Variants in FAM98B observed in about 807,000 individuals in gnomAD.
FAM98B encodes tRNA-splicing ligase complex subunit FAM98B.
A neutral mutation model predicts 43.9 loss-of-function variants in FAM98B; 32 were observed. The observed-to-expected ratio is 0.73, with a 90% CI of 0.55 to 0.98. FAM98B has a LOEUF of 0.98. Among genes scored for constraint, FAM98B ranks in the 50% least tolerant of loss-of-function variants. The pLI is 0.00. For missense variants in FAM98B, 514 were observed against 522.9 expected, an observed-to-expected ratio of 0.98 and a Z score of 0.17; for synonymous variants, 190 against 174.0, an observed-to-expected ratio of 1.09 and a Z score of -0.72.
chr15:38,468,781 T>TGGGA (rs1211658102), intron 3 of FAM98B, among the ~76,000 whole-genome samples: 1 of 152,138 alleles, frequency 6.6e-6, no homozygotes, highest in Non-Finnish European at 1.5e-5. Flanking sequence ...TCTCAGAGGA[T>TGGGA]GGGACCCTGG....
chr15:38,472,606 T>C (rs1420721539), intron 4 of FAM98B, among the ~76,000 whole-genome samples: 1 of 152,036 alleles, frequency 6.6e-6, no homozygotes, highest in African/African-American at 2.4e-5. Flanking sequence ...ACCAAACTCT[T>C]GAATTTAGAG....
Position 38,484,913 on chromosome 15 carries a change from AC to A in FAM98B, c.*255del, listed in dbSNP as rs1361198987. The A allele has an allele frequency of 2.4e-6, 1 of 409,902 alleles. No homozygotes were observed. The highest frequency in any genetic ancestry group is 4.0e-6 in the Non-Finnish European group (1 of 248,702). The allele number at this position is 409,902 out of a possible 1,614,324, so 25.4% of individuals were successfully genotyped here. On this transcript the variant is annotated 3_prime_UTR_variant, in exon 8 of 8. Transcript: ENST00000397609. ...GTCTTTTTAAAAAACAAAAAAAAGA[AC>A]AAAAATTATTTTTTAAAATGTAAAT...
At chr15:38,469,383 G>A (rs949684245) in intron 3 of FAM98B, among the ~76,000 whole-genome samples, 1 of 152,160 alleles carries the variant, frequency 6.6e-6, no homozygotes, top group Non-Finnish European at 1.5e-5. Flanking sequence ...TGCTCTATGT[G>A]CTTATATATC....
In FAM98B at chr15:38,464,079, A is replaced by G. The variant is rs769628372; in HGVS notation, c.119A>G (p.Glu40Gly). The change falls in exon 2 of 8, where the codon GAG becomes GGG. Residue 40 changes from glutamate (E) to glycine (G), a missense_variant. By Grantham distance (98) the Glu-to-Gly change is moderately conservative. Coordinates refer to ENST00000397609, the MANE Select transcript of FAM98B (RefSeq NM_173611.4). ...GAGCAAGCCCTTACAAAGGCGGCAGAGGGTGGATTATCTTCACCTGAATTT... is the reference window on the plus strand; with the variant it reads ...GAGCAAGCCCTTACAAAGGCGGCAGGGGGTGGATTATCTTCACCTGAATTT... ...LEEQALTKAA[E>G]GGLSSPEFSE... The G allele has an allele frequency of 1.2e-6, 2 of 1,613,414 alleles. No homozygotes were observed. Among genetic ancestry groups the G allele is most frequent in the Non-Finnish European group, 1.7e-6 (2 of 1,179,754 alleles).
intron 7 of FAM98B, chr15:38,483,443 G>T (rs530375556): frequency 1.3e-5 from 2 of 152,006 alleles, no homozygotes; most frequent in Admixed American, 6.6e-5. Flanking sequence ...GAGGCAGGCG[G>T]ATCACGAGGT....
chr15:38,484,842 G>A lies in FAM98B; in HGVS notation c.*183G>A. ...TTTATTACCAGTTGATCTCTCAAATGAAGTGATGACTTTTTCCATATTCTG... is the reference window on the plus strand; with the variant it reads ...TTTATTACCAGTTGATCTCTCAAATAAAGTGATGACTTTTTCCATATTCTG... On this transcript the variant is annotated 3_prime_UTR_variant, in exon 8 of 8. Transcript: ENST00000397609. 2 of 936,892 alleles carry A rather than the reference G, an allele frequency of 2.1e-6. No homozygotes were observed. Among genetic ancestry groups the A allele is most frequent in the Non-Finnish European group, 2.9e-6 (2 of 691,534 alleles). The allele number at this position is 936,892 out of a possible 1,614,324, so 58.0% of individuals were successfully genotyped here.
intron 6 of FAM98B, among the ~76,000 whole-genome samples, chr15:38,477,022 G>A (rs973892718): frequency 6.6e-6 from 1 of 151,854 alleles, no homozygotes. Context: ...TTGGGGGGCA[G>A]GTGCTGTGCT....
chr15:38,481,522 G>T, intron 7 of FAM98B, 63 bp downstream of exon 7: 1 of 1,613,958 alleles, frequency 6.2e-7, no homozygotes, highest in Non-Finnish European at 8.5e-7. Flanking sequence ...TGTTTTTACA[G>T]ATTTTAGTCT....
intron 3 of FAM98B, among the ~76,000 whole-genome samples, chr15:38,469,320 G>T (rs898467538): frequency 2.6e-5 from 4 of 152,204 alleles, no homozygotes; most frequent in African/African-American, 9.7e-5. Context: ...AGATGAAACG[G>T]TGAAAGTAAA....
At position 38,484,626 on chromosome 15, in the gene FAM98B, TGGTGGTGG is replaced by T; in HGVS notation, c.1270_1277del (p.Gly424ArgfsTer5). The stretch of plus-strand genomic sequence containing the variant: ...GAGGAGGTGGTGGTGGTGGTGGTGG[TGGTGGTGG>T]AGGAGGTGGATATAGAAGATACTAA... On this transcript the variant is annotated frameshift_variant, in exon 8 of 8. Transcript: ENST00000397609. LOFTEE classifies it high-confidence loss of function. 1 of 1,072,180 alleles carries T rather than the reference TGGTGGTGG, an allele frequency of 9.3e-7. No homozygotes were observed. The highest frequency in any genetic ancestry group is 1.3e-6 in the Non-Finnish European group (1 of 774,704). The allele number at this position is 1,072,180 out of a possible 1,614,324, so 66.4% of individuals were successfully genotyped here.
At position 38,454,224 on chromosome 15, in the gene FAM98B, G is replaced by C. The variant is rs1419448518; in HGVS notation, c.63G>C (p.Glu21Asp). ...AGGGAGACGTGCTGGACACACTGGA[G>C]GCGCTGGGGTGAGTGCTTTTGGAGA... The part of the protein sequence containing the change: ...TMEGDVLDTL[E>D]ALGYKGPLLE... Residue 21 changes from glutamate to aspartate, a missense_variant, in exon 1 of 8, where the codon GAG (glutamate) becomes GAC (aspartate). Around this residue, in one of 2 missense-constraint regions of FAM98B, gnomAD observed 469 missense variants for 451.8 expected, o/e 1.04. Coordinates refer to ENST00000397609, the MANE Select transcript of FAM98B (RefSeq NM_173611.4). 6.2e-7 allele frequency: 1 copy of C among 1,602,680 alleles called. No individual in the cohort carries two copies. Among genetic ancestry groups the C allele is most frequent in the Non-Finnish European group, 8.5e-7 (1 of 1,175,956 alleles).
chr15:38,462,123 T>A (rs193282279), intron 1 of FAM98B, among the ~76,000 whole-genome samples: 63 of 152,270 alleles, frequency 4.1e-4, no homozygotes, highest in African/African-American at 1.4e-3. Context: ...CTCTACTCTA[T>A]GTAAATGTAT....
Position 38,484,902 on chromosome 15 carries a change from C to CAA in FAM98B, c.*250_*251dup. On this transcript the variant is annotated 3_prime_UTR_variant, in exon 8 of 8. Transcript: ENST00000397609. Reference sequence around the variant, plus strand: ...GAGCATGTTGTGTCTTTTTAAAAAACAAAAAAAAGAACAAAAATTATTTTT... The same window carrying CAA: ...GAGCATGTTGTGTCTTTTTAAAAAACAAAAAAAAAAGAACAAAAATTATTTTT... The CAA allele has an allele frequency of 2.2e-6, 1 of 452,578 alleles. No individual in the cohort carries two copies. Among genetic ancestry groups the CAA allele is most frequent in the Non-Finnish European group, 3.5e-6 (1 of 284,772 alleles). 28.0% of individuals were successfully genotyped at this position (452,578 alleles called of 1,614,324 possible). A position where few individuals can be genotyped will look rare whatever the true frequency, so the allele number is the denominator to read the frequency against.
At chr15:38,484,142 A>C (rs1045378813) in intron 7 of FAM98B, 113 bp from the exon 8 acceptor site, 12 of 886,092 alleles carry the variant, frequency 1.4e-5, no homozygotes, top group Admixed American at 1.3e-4. Flanking sequence ...CATGTCTGGT[A>C]CTTTCATGTC....
At chr15:38,482,770 T>C (rs1459364290) in intron 7 of FAM98B, 1 of 152,230 alleles carries the variant, frequency 6.6e-6, no homozygotes, top group African/African-American at 2.4e-5. Flanking sequence ...TCCCCTTGTC[T>C]GTGGTGAGCA....
chr15:38,463,711 A>G (rs1038070810), intron 1 of FAM98B, among the ~76,000 whole-genome samples: 1 of 152,154 alleles, frequency 6.6e-6, no homozygotes, highest in African/African-American at 2.4e-5. Flanking sequence ...TACCTGTGGT[A>G]TTTATCTGAA....
intron 7 of FAM98B, among the ~76,000 whole-genome samples, chr15:38,484,036 G>A (rs1263329795): frequency 6.6e-6 from 1 of 151,722 alleles, no homozygotes; most frequent in Non-Finnish European, 1.5e-5. Flanking sequence ...TAGAACACTA[G>A]AATTTATTAC....
chr15:38,459,659 T>C (rs1889914368), intron 1 of FAM98B: 3 of 192,306 alleles, frequency 1.6e-5, no homozygotes, highest in Non-Finnish European at 3.2e-5. Context: ...CTCCCACAGC[T>C]GTTTACATAC....
At chr15:38,477,434 CTCTT>C (rs1890218852) in intron 6 of FAM98B, among the ~76,000 whole-genome samples, 1 of 151,962 alleles carries the variant, frequency 6.6e-6, no homozygotes, top group South Asian at 2.1e-4. Flanking sequence ...TTATCTGTCT[CTCTT>C]TCATTCTTCT....
Sources: gnomAD v4.1 joint callset for allele counts (sites outside exome capture counted in the v4.1 genomes callset) on GRCh38, gnomAD v4.1.1 for gene constraint, gnomAD v4.1.1 regional missense constraint, MANE v1.5 for transcripts, NCBI Gene and HGNC (gene_info 2026-07-23, HGNC 2026-07-21) for gene names.